The following PALS1 variants were observed in gnomAD, a reference collection of about 807,000 sequenced individuals.
The protein encoded by PALS1 is protein PALS1.
In PALS1, 31 loss-of-function variants were observed where a neutral mutation model predicts 78.9. The observed-to-expected ratio is 0.39, with a 90% CI of 0.30 to 0.53. The LOEUF (loss-of-function observed/expected upper bound fraction) is 0.53. PALS1 is among the 20% of genes least tolerant of loss of function. The pLI, the probability that PALS1 is intolerant of heterozygous loss-of-function variation, is 0.67. For missense variants in PALS1, 704 were observed against 826.5 expected (o/e 0.85, Z 1.82); for synonymous variants, 276 against 270.9 (o/e 1.02, Z -0.18).
chr14:67,305,453 T>C (rs2084988074), intron 8 of PALS1, among the ~76,000 whole-genome samples: 1 of 152,170 alleles, frequency 6.6e-6, no homozygotes, highest in African/African-American at 2.4e-5. Flanking sequence ...CTAATTTTTT[T>C]GTACTTTTGG....
rs772508935 is a variant in PALS1, at chr14:67,312,525, A to C, written c.1042-2A>C. ...GTTGTTTTTGCCCTTTTTATCTTTT[A>C]GATCCATGTAAAAGCTCATTTTGAC... On this transcript the variant is annotated splice_acceptor_variant, in intron 8 of 14. Coordinates refer to ENST00000261681, the MANE Select transcript of PALS1 (RefSeq NM_022474.4). LOFTEE classifies it high-confidence loss of function. 1.9e-6 allele frequency: 3 copies of C among 1,563,750 alleles called. No homozygotes were observed. The highest frequency in any genetic ancestry group is 1.7e-6 in the Non-Finnish European group (2 of 1,153,444).
In PALS1 at chr14:67,274,120, G is replaced by A. The variant is rs369947360; in HGVS notation, c.-154+4337G>A. ...TTCTTTTGCTGTGCAGAAGCTCTTT[G>A]GTTTAATTAGATCCCATTTGTCAAT... On this transcript the variant is annotated intron_variant, in intron 2 of 14. Transcript: ENST00000261681. Among the ~76,000 whole-genome samples, 19 of 152,064 alleles carry A rather than the reference G, an allele frequency of 1.2e-4. 1 individual carries two copies. The East Asian group carries it at 1.7e-3, about 14-fold the overall frequency.
In PALS1 at chr14:67,255,698, T is replaced by G. The variant is rs992782506; in HGVS notation, c.-236-14003T>G. ...TGTTCCTGCTATTTTGTTTTGTTTT[T>G]GAGATGGAGTCTCGCTCTGTTGCCC... On this transcript the variant is annotated intron_variant, in intron 1 of 14. Coordinates refer to ENST00000261681, the MANE Select transcript of PALS1 (RefSeq NM_022474.4). Among the ~76,000 whole-genome samples the G allele has an allele frequency of 3.3e-5, 5 of 152,226 alleles. No homozygotes were observed. In the East Asian group the frequency reaches 9.6e-4, roughly 29 times the overall value.
chr14:67,301,924 A>G (rs1464356135), intron 5 of PALS1, 48 bp from the exon 6 acceptor site: 3 of 1,556,202 alleles, frequency 1.9e-6, no homozygotes, highest in Non-Finnish European at 2.6e-6. Flanking sequence ...CACTCTGCAG[A>G]AATAAATCAT....
At chr14:67,269,002 C>A (rs1434054273) in intron 1 of PALS1, among the ~76,000 whole-genome samples, 1 of 152,166 alleles carries the variant, frequency 6.6e-6, no homozygotes. Flanking sequence ...GCAAGAGAAA[C>A]CTGCATGCCT....
At position 67,303,764 on chromosome 14, in the gene PALS1, C is replaced by T. The variant is rs145946858; in HGVS notation, c.1041+165C>T. On this transcript the variant is annotated intron_variant, in intron 8 of 14. Transcript: ENST00000261681. ...CAATGTTTTAAATTAGTAAACTCTG[C>T]ACCTTTTTTTTTGGAAGGTGGAAGA... Among the ~76,000 whole-genome samples, 18 of 152,132 alleles carry T rather than the reference C, an allele frequency of 1.2e-4. No individual in the cohort carries two copies. In the East Asian group the frequency reaches 3.3e-3, roughly 28 times the overall value.
Position 67,312,652 on chromosome 14 carries a change from G to A in PALS1, c.1167G>A (p.Trp389Ter), listed in dbSNP as rs1167165928. The change falls in exon 9 of 15, where the codon TGG becomes TGA. Residue 389 changes from tryptophan (W) to a stop codon, truncating the protein, a stop_gained. Transcript: ENST00000261681. LOFTEE classifies it high-confidence loss of function. ...TGATCAGTCAAGAAGATCCAAACTG[G>A]TGGCAGGCCTACAGGGAAGGGGACG... ...LHVISQEDPN[W>*]WQAYREGDED... 6.2e-7 allele frequency: 1 copy of A among 1,613,256 alleles called. No homozygotes were observed. Among genetic ancestry groups the A allele is most frequent in the Non-Finnish European group, 8.5e-7 (1 of 1,179,514 alleles).
At chr14:67,249,300 A>T (rs1001918159) in intron 1 of PALS1, among the ~76,000 whole-genome samples, 2 of 152,188 alleles carry the variant, frequency 1.3e-5, no homozygotes, top group Non-Finnish European at 2.9e-5. Context: ...AGCAGGAGAA[A>T]TGACAGTAAT....
At chr14:67,248,005 AG>A (rs2084012544) in intron 1 of PALS1, among the ~76,000 whole-genome samples, 1 of 152,112 alleles carries the variant, frequency 6.6e-6, no homozygotes, top group Non-Finnish European at 1.5e-5. Flanking sequence ...TAGGTTACTG[AG>A]GGTTTGTTTT....
At chr14:67,332,638 G>C in intron 14 of PALS1, 142 bp from the exon 15 acceptor site, 1 of 754,844 alleles carries the variant, frequency 1.3e-6, no homozygotes, top group Non-Finnish European at 2.1e-6. Context: ...GCCGTGACAG[G>C]GTTGGAAAGG....
chr14:67,331,278 C>G (rs904170823), intron 14 of PALS1, among the ~76,000 whole-genome samples: 1 of 152,218 alleles, frequency 6.6e-6, no homozygotes, highest in African/African-American at 2.4e-5. Context: ...CTCCCGGCCC[C>G]ATGTGATCCA....
intron 1 of PALS1, among the ~76,000 whole-genome samples, chr14:67,257,896 A>G (rs2084171760): frequency 6.6e-6 from 1 of 152,186 alleles, no homozygotes; most frequent in Non-Finnish European, 1.5e-5. Context: ...GCAACACAAA[A>G]GTTGTATATT....
rs144203973 is a variant in PALS1, at chr14:67,324,415, G to A, written c.1851+603G>A. On this transcript the variant is annotated intron_variant, in intron 14 of 14. Transcript: ENST00000261681. The stretch of plus-strand genomic sequence containing the variant: ...GTGACTTACTGTATCAGAGTAACAT[G>A]TTCTTCCTTGTTTTTTTTGCTCCAT... Among the ~76,000 whole-genome samples the A allele has an allele frequency of 4.0e-4, 61 of 152,076 alleles. No individual in the cohort carries two copies. In the East Asian group the frequency reaches 0.011, roughly 28 times the overall value.
intron 4 of PALS1, among the ~76,000 whole-genome samples, chr14:67,294,169 T>C (rs2140836973): frequency 6.6e-6 from 1 of 152,330 alleles, no homozygotes; most frequent in Non-Finnish European, 1.5e-5. Flanking sequence ...TTAAAAGTAC[T>C]GTATAAAGGA....
intron 3 of PALS1, among the ~76,000 whole-genome samples, chr14:67,280,856 C>T (rs2084597264): frequency 7.6e-6 from 1 of 132,266 alleles, no homozygotes; most frequent in African/African-American, 2.9e-5. Flanking sequence ...TCCTTCCTTC[C>T]CTCCCTCCCT....
chr14:67,272,198 G>A (rs1244565845), intron 2 of PALS1: 1 of 151,944 alleles, frequency 6.6e-6, no homozygotes, highest in African/African-American at 2.4e-5. Context: ...TTAAGGATTT[G>A]TATTTAAGAC....
intron 1 of PALS1, among the ~76,000 whole-genome samples, chr14:67,253,349 T>C (rs1405317604): frequency 6.6e-6 from 1 of 152,206 alleles, no homozygotes; most frequent in African/African-American, 2.4e-5. Flanking sequence ...ATTATAATTG[T>C]ATGTTGAGGT....
chr14:67,333,441 T>G lies in PALS1; in HGVS notation c.*485T>G, dbSNP rs12590952. ...GGCAGTATTTGCTTAGGAAACTAATTTAGTCATCAGAGATACTTTCCTAAA... is the reference window on the plus strand; with the variant it reads ...GGCAGTATTTGCTTAGGAAACTAATGTAGTCATCAGAGATACTTTCCTAAA... On this transcript the variant is annotated 3_prime_UTR_variant, in exon 15 of 15. Coordinates refer to ENST00000261681, the MANE Select transcript of PALS1 (RefSeq NM_022474.4). 23,604 of 152,632 alleles carry G rather than the reference T, an allele frequency of 0.15. 3,446 individuals are homozygous for G. The highest frequency in any genetic ancestry group is 0.42 in the East Asian group (2,179 of 5,158). 9.5% of individuals were successfully genotyped at this position (152,632 alleles called of 1,614,324 possible). A position where few individuals can be genotyped will look rare whatever the true frequency, so the allele number is the denominator to read the frequency against.
intron 13 of PALS1, among the ~76,000 whole-genome samples, chr14:67,323,232 C>CATGTGTGTATGTGTGTGTGTGT (rs57594216): frequency 9.1e-5 from 13 of 143,624 alleles, no homozygotes; most frequent in Non-Finnish European, 1.9e-4. Flanking sequence ...CATATATACA[C>CATGTGTGTATGTGTGTGTGTGT]GTGTGTGTGT....
Sources: allele counts gnomAD v4.1 joint callset (sites outside exome capture counted in the v4.1 genomes callset), GRCh38; gene constraint gnomAD v4.1.1; transcripts MANE v1.5; gene names NCBI Gene and HGNC (gene_info 2026-07-23, HGNC 2026-07-21).